Variants in TRPS1 observed in about 807,000 individuals in gnomAD.
TRPS1 encodes zinc finger transcription factor Trps1.
TRPS1 carries 6 observed loss-of-function variants against 101.2 expected under a neutral mutation model. The ratio of observed to expected loss-of-function variants is 0.06; its 90% CI spans 0.03 to 0.12. TRPS1 has a LOEUF of 0.12. TRPS1 is among the 10% of genes least tolerant of loss of function. The pLI, the probability that TRPS1 is intolerant of heterozygous loss-of-function variation, is 1.00. For synonymous variants in TRPS1, 578 were observed against 589.8 expected (o/e 0.98, Z 0.29); for missense variants, 1,363 against 1,567.0 (o/e 0.87, Z 2.20).
At chr8:115,576,333 A>G (rs1471739894) in intron 5 of TRPS1, among the ~76,000 whole-genome samples, 1 of 147,192 alleles carries the variant, frequency 6.8e-6, no homozygotes, top group Non-Finnish European at 1.5e-5. Context: ...ATCTTTGGAC[A>G]TCAGCATCAT....
chr8:115,418,801 A>G lies in TRPS1; in HGVS notation c.2701-349T>C, dbSNP rs934776403. The stretch of plus-strand genomic sequence containing the variant: ...ATACGTCAAAAAGACAGAACATGGC[A>G]ATATGTTTAATACACTTTGGAAAGG... On this transcript the variant is annotated intron_variant, in intron 5 of 6. Transcript: ENST00000395715. This position sits in a 1 kb window ranked among gnomAD's most constrained non-coding sequence, Gnocchi z 4.3. 6.6e-6 allele frequency among the ~76,000 whole-genome samples: 1 copy of G among 152,244 alleles called. No individual in the cohort carries two copies. The highest frequency in any genetic ancestry group is 2.4e-5 in the African/African-American group (1 of 41,470).
intron 5 of TRPS1, 106 bp downstream of exon 5, chr8:115,586,895 C>T (rs1817570557): frequency 1.9e-6 from 3 of 1,585,758 alleles, no homozygotes; most frequent in Non-Finnish European, 2.6e-6. Context: ...TGAGACAGAT[C>T]ATTAAGTTTC....
intron 1 of TRPS1, chr8:115,668,050 A>C: frequency 7.3e-6 from 3 of 408,526 alleles, no homozygotes; most frequent in Non-Finnish European, 9.1e-6. Context: ...TGGGGCTGCG[A>C]GGGGGAGGGG....
At chr8:115,441,158 G>C (rs1473416533) in intron 5 of TRPS1, among the ~76,000 whole-genome samples, 1 of 152,170 alleles carries the variant, frequency 6.6e-6, no homozygotes, top group Non-Finnish European at 1.5e-5. Context: ...GAATCACTCA[G>C]ATGTTTTAAG....
At chr8:115,611,634 T>C (rs934094663) in intron 3 of TRPS1, among the ~76,000 whole-genome samples, 2 of 152,082 alleles carry the variant, frequency 1.3e-5, no homozygotes, top group African/African-American at 4.8e-5. Context: ...AGCTGATATG[T>C]GAAGGTTAGC....
chr8:115,643,155 G>A (rs1198554773), intron 1 of TRPS1, among the ~76,000 whole-genome samples: 1 of 152,044 alleles, frequency 6.6e-6, no homozygotes, highest in African/African-American at 2.4e-5. Flanking sequence ...CTTTTTGCTG[G>A]TCTTGCCTCA....
intron 5 of TRPS1, among the ~76,000 whole-genome samples, chr8:115,513,865 A>G (rs1463171193): frequency 6.6e-6 from 1 of 151,626 alleles, no homozygotes; most frequent in African/African-American, 2.4e-5. Flanking sequence ...TATATGTTTA[A>G]GTTGTATATA....
intron 1 of TRPS1, among the ~76,000 whole-genome samples, chr8:115,633,218 G>A (rs745307580): frequency 3.9e-5 from 6 of 151,992 alleles, no homozygotes; most frequent in African/African-American, 9.7e-5. Flanking sequence ...AAAAGAAAGC[G>A]TTCTGAACAA....
chr8:115,613,193 T>C (rs982735638), intron 3 of TRPS1, among the ~76,000 whole-genome samples: 3 of 152,246 alleles, frequency 2.0e-5, no homozygotes, highest in Admixed American at 6.5e-5. Context: ...CATCAAAATT[T>C]GCACCTTATT....
At chr8:115,571,819 C>T (rs540995384) in intron 5 of TRPS1, among the ~76,000 whole-genome samples, 3 of 152,008 alleles carry the variant, frequency 2.0e-5, no homozygotes, top group Non-Finnish European at 4.4e-5. Flanking sequence ...ATAGTAAATA[C>T]GGCATTCATT....
intron 5 of TRPS1, among the ~76,000 whole-genome samples, chr8:115,546,880 T>A (rs1207520617): frequency 6.6e-6 from 1 of 152,114 alleles, no homozygotes; most frequent in Non-Finnish European, 1.5e-5. Flanking sequence ...ATGTCACAAG[T>A]ACGGACAAGA....
At chr8:115,507,182 G>C (rs1171351967) in intron 5 of TRPS1, among the ~76,000 whole-genome samples, 3 of 152,070 alleles carry the variant, frequency 2.0e-5, no homozygotes, top group Non-Finnish European at 4.4e-5. Context: ...AAGAATTCAT[G>C]TCTTCCTGTG....
intron 4 of TRPS1, among the ~76,000 whole-genome samples, chr8:115,599,131 C>T (rs1817852034): frequency 2.0e-5 from 3 of 152,036 alleles, no homozygotes; most frequent in South Asian, 4.1e-4. Context: ...CATTATATTC[C>T]ATATCTTACT....
chr8:115,643,327 T>C (rs2130591994), intron 1 of TRPS1, among the ~76,000 whole-genome samples: 1 of 152,334 alleles, frequency 6.6e-6, no homozygotes, highest in East Asian at 1.9e-4. Context: ...TTACCCACGC[T>C]AGAACTTCTT....
At chr8:115,610,531 T>C (rs1818138218) in intron 3 of TRPS1, among the ~76,000 whole-genome samples, 1 of 152,214 alleles carries the variant, frequency 6.6e-6, no homozygotes, top group Non-Finnish European at 1.5e-5. Flanking sequence ...CTGAGGTTTA[T>C]TCCTATCAGT....
intron 5 of TRPS1, among the ~76,000 whole-genome samples, chr8:115,432,023 T>A (rs13270346): frequency 0.24 from 36,930 of 151,596 alleles, 5,788 homozygotes; most frequent in Non-Finnish European, 0.35. Flanking sequence ...TCAAAAAAAG[T>A]AGCTTCAAGG....
chr8:115,414,888 C>T lies in TRPS1; in HGVS notation c.3020G>A (p.Arg1007Lys), dbSNP rs1351514084. ...ACTTAGGCTGGGGAGTGGAATTTCT[C>T]TCTGGTGACTTTCAGTTAGATGATC... ...SEDHLTESHQ[R>K]EIPLPSLSKY... The change falls in exon 7 of 7, where the codon AGA (arginine) becomes AAA (lysine). Residue 1007 changes from arginine (R) to lysine (K), a missense_variant. This residue lies in a region of TRPS1 where 307 missense variants were observed against 392.4 expected (regional missense o/e 0.78). Coordinates refer to ENST00000395715, the MANE Select transcript of TRPS1 (RefSeq NM_014112.5). The surrounding 1 kb of genome is among the most constrained non-coding windows in gnomAD (Gnocchi z 4.8). 1 of 1,612,246 alleles carries T rather than the reference C, an allele frequency of 6.2e-7. No individual in the cohort carries two copies. Among genetic ancestry groups the T allele is most frequent in the Admixed American group, 1.7e-5 (1 of 59,780 alleles).
intron 5 of TRPS1, among the ~76,000 whole-genome samples, chr8:115,426,028 C>T (rs1455480001): frequency 2.6e-5 from 4 of 152,066 alleles, no homozygotes; most frequent in East Asian, 3.9e-4. Flanking sequence ...TTTCATTCCA[C>T]GTGAAAGTCA....
chr8:115,497,474 C>T (rs927578735), intron 5 of TRPS1, among the ~76,000 whole-genome samples: 2 of 152,100 alleles, frequency 1.3e-5, no homozygotes, highest in Non-Finnish European at 1.5e-5. Flanking sequence ...GGGACCCCAG[C>T]CTTGGGAAAC....
Sources: gnomAD v4.1 joint callset for allele counts (sites outside exome capture counted in the v4.1 genomes callset) on GRCh38, gnomAD v4.1.1 for gene constraint, gnomAD v4.1.1 regional missense constraint, Gnocchi (gnomAD v3.1) non-coding constraint, MANE v1.5 for transcripts, NCBI Gene and HGNC (gene_info 2026-07-23, HGNC 2026-07-21) for gene names.